Variants in KANSL1 observed in about 807,000 individuals in gnomAD.
KANSL1 encodes the protein KAT8 regulatory NSL complex subunit 1, also known as MLL1/MLL complex subunit KANSL1.
A neutral mutation model predicts 103.6 loss-of-function variants in KANSL1; 22 were observed. The ratio of observed to expected loss-of-function variants is 0.21; its 90% CI spans 0.15 to 0.30. KANSL1 has a LOEUF of 0.30. KANSL1 is among the 10% of genes least tolerant of loss of function. The pLI is 1.00. For missense variants in KANSL1, 1,337 were observed against 1,399.8 expected, an observed-to-expected ratio of 0.96 and a Z score of 0.72; for synonymous variants, 600 against 527.6, an observed-to-expected ratio of 1.14 and a Z score of -1.88.
chr17:46,193,709 A>AG, upstream of KANSL1: 2 of 269,222 alleles, frequency 7.4e-6, no homozygotes, highest in South Asian at 2.6e-5. Context: ...GCACTGCGGC[A>AG]GGGGGAAGCC....
chr17:46,163,398 T>C (rs1266150815), intron 2 of KANSL1, among the ~76,000 whole-genome samples: 1 of 152,248 alleles, frequency 6.6e-6, no homozygotes, highest in African/African-American at 2.4e-5. Context: ...GGTCTCACTT[T>C]GTCGCCCATG....
chr17:46,055,994 T>C (rs1426776241), intron 6 of KANSL1, among the ~76,000 whole-genome samples: 3 of 152,192 alleles, frequency 2.0e-5, no homozygotes, highest in Non-Finnish European at 2.9e-5. Context: ...GATTTATTCA[T>C]TTTCATTTTA....
At chr17:46,211,496 T>TG (rs2048169847) in intron 1 of KANSL1, among the ~76,000 whole-genome samples, 1 of 152,262 alleles carries the variant, frequency 6.6e-6, no homozygotes. Flanking sequence ...CTGTGGGCCA[T>TG]GGGTCGGACA....
intron 2 of KANSL1, among the ~76,000 whole-genome samples, chr17:46,122,124 C>T (rs1444001286): frequency 1.3e-5 from 2 of 152,176 alleles, no homozygotes; most frequent in Non-Finnish European, 2.9e-5. Context: ...CTAAAGGTGA[C>T]ATACAGGTGC....
chr17:46,121,061 T>C (rs747172321), intron 2 of KANSL1, among the ~76,000 whole-genome samples: 1 of 152,172 alleles, frequency 6.6e-6, no homozygotes, highest in Non-Finnish European at 1.5e-5. Flanking sequence ...CAGCAAATCC[T>C]ACCTGCTCTA....
intron 10 of KANSL1, chr17:46,037,216 T>C (rs1037921819): frequency 6.6e-6 from 1 of 152,242 alleles, no homozygotes; most frequent in Non-Finnish European, 1.5e-5. Flanking sequence ...AGATTTTCTA[T>C]CAGAATTAGT....
chr17:46,131,267 A>T (rs2043848974), intron 2 of KANSL1, among the ~76,000 whole-genome samples: 1 of 152,270 alleles, frequency 6.6e-6, no homozygotes, highest in African/African-American at 2.4e-5. Context: ...CAAATAAAAT[A>T]TGGGTAGCAT....
chr17:46,171,920 A>G lies in KANSL1; in HGVS notation c.224T>C (p.Leu75Pro), dbSNP rs773198360. The G allele has an allele frequency of 1.9e-6, 3 of 1,614,294 alleles. No individual in the cohort carries two copies. The highest frequency in any genetic ancestry group is 1.7e-5 in the Admixed American group (1 of 60,034). Residue 75 changes from leucine (L) to proline (P), a missense_variant, in exon 2 of 15, where the codon CTG (leucine) becomes CCG (proline). Physicochemically the swap from Leu to Pro is moderately conservative, Grantham distance 98. Transcript: ENST00000432791. The part of the protein sequence containing the change: ...NNPTKEDLGK[L>P]QPLVASYLCS... ...GAGATAAGATGCCACCAGTGGTTGC[A>G]GCTTTCCCAAGTCTTCCTTGGTAGG... is the stretch of plus-strand genomic sequence containing the variant.
At chr17:46,193,639 C>T, upstream of KANSL1, 1 of 311,516 alleles carries the variant, frequency 3.2e-6, no homozygotes, top group South Asian at 2.2e-5. Flanking sequence ...TTTGTACCTC[C>T]ATCTGCGGAG....
intron 1 of KANSL1, among the ~76,000 whole-genome samples, chr17:46,184,836 A>G (rs1597910000): frequency 8.6e-6 from 1 of 116,026 alleles, no homozygotes; most frequent in Non-Finnish European, 1.9e-5. Flanking sequence ...CAGAGTATGT[A>G]CTTTTTTTTT....
At position 46,116,123 on chromosome 17, in the gene KANSL1, A is replaced by G. The variant is rs373173628; in HGVS notation, c.1290-21422T>C. ...TACGACAGAGTGAAAACTAGACCCA[A>G]CTTCAAACTGAGATAGGATTTTATA... is the stretch of plus-strand genomic sequence containing the variant. On this transcript the variant is annotated intron_variant, in intron 2 of 14. Coordinates refer to ENST00000432791, the MANE Select transcript of KANSL1 (RefSeq NM_015443.4). Among the ~76,000 whole-genome samples, 19 of 152,374 alleles carry G rather than the reference A, an allele frequency of 1.2e-4. 1 individual carries two copies. In the Middle Eastern group the frequency reaches 0.017, roughly 136 times the overall value.
chr17:46,047,177 A>G (rs2077542146), intron 7 of KANSL1, among the ~76,000 whole-genome samples: 1 of 152,226 alleles, frequency 6.6e-6, no homozygotes, highest in Non-Finnish European at 1.5e-5. Flanking sequence ...GGTTTTGGTA[A>G]CAAAAGCCAA....
At chr17:46,195,753 CAG>C (rs2047586473), upstream of KANSL1, among the ~76,000 whole-genome samples, 1 of 152,144 alleles carries the variant, frequency 6.6e-6, no homozygotes, top group Non-Finnish European at 1.5e-5. Flanking sequence ...TTGGTAGATA[CAG>C]AGTCTCCCTA....
intron 1 of KANSL1, among the ~76,000 whole-genome samples, chr17:46,205,115 CA>C (rs1336423231): frequency 6.6e-6 from 1 of 151,562 alleles, no homozygotes; most frequent in Non-Finnish European, 1.5e-5. Flanking sequence ...ATGGCCAGGG[CA>C]AATAGGCAAG....
chr17:46,125,773 A>T (rs2043526167), intron 2 of KANSL1, among the ~76,000 whole-genome samples: 1 of 152,198 alleles, frequency 6.6e-6, no homozygotes, highest in Non-Finnish European at 1.5e-5. Flanking sequence ...CACTAGTAAC[A>T]GATTCTACCA....
intron 2 of KANSL1, among the ~76,000 whole-genome samples, chr17:46,100,977 A>G (rs1278381659): frequency 3.9e-5 from 6 of 152,268 alleles, no homozygotes; most frequent in Non-Finnish European, 8.8e-5. Flanking sequence ...ACAGTGAGCT[A>G]CACAGTGCTA....
chr17:46,199,774 C>G (rs2047732552), intron 1 of KANSL1, among the ~76,000 whole-genome samples: 1 of 152,162 alleles, frequency 6.6e-6, no homozygotes, highest in Non-Finnish European at 1.5e-5. Flanking sequence ...GTAGGTTAAA[C>G]CTAAATGTAC....
At chr17:46,194,031 G>A (rs1425551621), upstream of KANSL1, 1 of 153,556 alleles carries the variant, frequency 6.5e-6, no homozygotes, top group African/African-American at 2.4e-5. Context: ...CCAGCACCGC[G>A]CTCCGCAGCC....
chr17:46,194,527 T>C (rs1231447248), upstream of KANSL1, among the ~76,000 whole-genome samples: 2 of 152,246 alleles, frequency 1.3e-5, no homozygotes, highest in African/African-American at 4.8e-5. Context: ...AAACATAATG[T>C]AATACAAAGT....
Sources: gnomAD v4.1 joint callset for allele counts (sites outside exome capture counted in the v4.1 genomes callset) on GRCh38, gnomAD v4.1.1 for gene constraint, MANE v1.5 for transcripts, NCBI Gene and HGNC (gene_info 2026-07-23, HGNC 2026-07-21) for gene names.